Variants in PSME4 observed in about 807,000 individuals in gnomAD.
The protein encoded by PSME4 is proteasome activator subunit 4.
In PSME4, 89 loss-of-function variants were observed where a neutral mutation model predicts 253.9. That is an observed-to-expected ratio of 0.35 (90% confidence interval 0.30 to 0.42). The LOEUF (loss-of-function observed/expected upper bound fraction) is 0.42. Ranked by LOEUF, PSME4 falls within the 10% of genes least tolerant of loss-of-function variation. PSME4 has a pLI of 1.00. For missense variants in PSME4, 2,014 were observed against 2,195.2 expected (o/e 0.92, Z 1.65); for synonymous variants, 851 against 759.2 (o/e 1.12, Z -1.99).
At chr2:53,883,994 T>C (rs1679519226) in intron 41 of PSME4, among the ~76,000 whole-genome samples, 1 of 152,226 alleles carries the variant, frequency 6.6e-6, no homozygotes, top group East Asian at 1.9e-4. Flanking sequence ...ACTCCTTCTG[T>C]GCTCCTCTCA....
chr2:53,963,470 G>A (rs1309906377), intron 1 of PSME4, among the ~76,000 whole-genome samples: 1 of 152,192 alleles, frequency 6.6e-6, no homozygotes, highest in Non-Finnish European at 1.5e-5. Context: ...GAAGATTGAT[G>A]TCTGCCTCTA....
At chr2:53,871,291 A>G (rs1413609596) in intron 43 of PSME4, among the ~76,000 whole-genome samples, 1 of 151,518 alleles carries the variant, frequency 6.6e-6, no homozygotes, top group Non-Finnish European at 1.5e-5. Flanking sequence ...TCGCTCTGTC[A>G]CCAGGATGGA....
intron 1 of PSME4, among the ~76,000 whole-genome samples, chr2:53,962,231 C>G (rs1412154466): frequency 6.6e-6 from 1 of 151,996 alleles, no homozygotes; most frequent in African/African-American, 2.4e-5. Context: ...CTATTTATTC[C>G]TAATTAGATG....
At chr2:53,900,081 T>C in intron 28 of PSME4, 64 bp from the exon 29 acceptor site, 1 of 1,431,926 alleles carries the variant, frequency 7.0e-7, no homozygotes, top group African/African-American at 1.4e-5. Flanking sequence ...TGAACGAACC[T>C]TGAAAATGTC....
chr2:53,884,298 C>T (rs1434178104), intron 41 of PSME4, among the ~76,000 whole-genome samples: 1 of 152,116 alleles, frequency 6.6e-6, no homozygotes. Context: ...ATAACCTCCA[C>T]CTCCCGGGTT....
intron 1 of PSME4, among the ~76,000 whole-genome samples, chr2:53,967,836 G>A (rs1324674660): frequency 2.6e-5 from 4 of 151,936 alleles, no homozygotes; most frequent in Non-Finnish European, 4.4e-5. Flanking sequence ...CTTTAGGAAT[G>A]TACTTGATCT....
intron 43 of PSME4, chr2:53,871,058 A>G (rs1357309327): frequency 6.6e-6 from 1 of 152,220 alleles, no homozygotes; most frequent in African/African-American, 2.4e-5. Context: ...GCTAACATAT[A>G]ATGACACAAA....
Position 53,864,806 on chromosome 2 carries a change from A to AT in PSME4, c.*771dup, listed in dbSNP as rs1448705668. 6.6e-6 allele frequency: 1 copy of AT among 152,658 alleles called. No homozygotes were observed. The highest frequency in any genetic ancestry group is 1.9e-4 in the East Asian group (1 of 5,206). The allele number at this position is 152,658 out of a possible 1,614,324, so 9.5% of individuals were successfully genotyped here. A position where few individuals can be genotyped will look rare whatever the true frequency, so the allele number is the denominator to read the frequency against. On this transcript the variant is annotated 3_prime_UTR_variant, in exon 47 of 47. Transcript: ENST00000404125. Reference sequence around the variant, plus strand: ...TCTTCCATTTAGGTGAAGTATAATAATTTTCAGAGGGTCAAAAAATAGTTG... The same window carrying AT: ...TCTTCCATTTAGGTGAAGTATAATAATTTTTCAGAGGGTCAAAAAATAGTTG...
intron 41 of PSME4, among the ~76,000 whole-genome samples, chr2:53,880,201 C>A (rs958903546): frequency 8.5e-5 from 13 of 152,180 alleles, no homozygotes; most frequent in Non-Finnish European, 4.4e-5. Flanking sequence ...TTATGCCCAT[C>A]ATCCTAGCAC....
chr2:53,901,313 T>G (rs1457914380), intron 28 of PSME4, 37 bp downstream of exon 28: 23 of 1,540,618 alleles, frequency 1.5e-5, no homozygotes, highest in African/African-American at 2.7e-5. Context: ...AGACAGGATT[T>G]ACACTAAAAC....
In PSME4 at chr2:53,891,930, TGGAA is replaced by T. The variant is rs1389150163; in HGVS notation, c.4191+874_4191+877del. Among the ~76,000 whole-genome samples the T allele has an allele frequency of 1.8e-3, 260 of 148,082 alleles. 4 individuals are homozygous for T. Among genetic ancestry groups the T allele is most frequent in the East Asian group, 9.9e-4 (5 of 5,038 alleles). Reference sequence around the variant, plus strand: ...ATGGATGGACAGACGGAAGGACAGATGGAAGGAAGGAAGGAAGGAAGGAATTCTT... The same window carrying T: ...ATGGATGGACAGACGGAAGGACAGATGGAAGGAAGGAAGGAAGGAATTCTT... On this transcript the variant is annotated intron_variant, in intron 36 of 46. Transcript: ENST00000404125.
In PSME4 at chr2:53,864,433, GAA is replaced by G. The variant is rs11349247; in HGVS notation, c.*1143_*1144del. ...CAGACATTCTAATGATAAGTGAACT[GAA>G]AAAAAAAAAACCCCACATCTCAGTT... is the stretch of plus-strand genomic sequence containing the variant. On this transcript the variant is annotated 3_prime_UTR_variant, in exon 47 of 47. Coordinates refer to ENST00000404125, the MANE Select transcript of PSME4 (RefSeq NM_014614.3). 51 of 138,110 alleles carry G rather than the reference GAA, an allele frequency of 3.7e-4. No homozygotes were observed. Among genetic ancestry groups the G allele is most frequent in the African/African-American group, 7.8e-4 (29 of 36,984 alleles). 8.6% of individuals were successfully genotyped at this position (138,110 alleles called of 1,614,324 possible). A position where few individuals can be genotyped will look rare whatever the true frequency, so the allele number is the denominator to read the frequency against.
In PSME4 at chr2:53,937,049, G is replaced by C. The variant is rs528131817; in HGVS notation, c.696-222C>G. 3.9e-5 allele frequency among the ~76,000 whole-genome samples: 6 copies of C among 152,128 alleles called. No homozygotes were observed. The South Asian group carries it at 1.0e-3, about 26-fold the overall frequency. ...ATATGATCTCACAGATTAAACTTCT[G>C]CTTCATTACTAAGTACTGTCCATTC... On this transcript the variant is annotated intron_variant, in intron 5 of 46. Coordinates refer to ENST00000404125, the MANE Select transcript of PSME4 (RefSeq NM_014614.3).
At chr2:53,931,732 C>G (rs1174635937) in intron 10 of PSME4, 103 bp downstream of exon 10, 16 of 1,236,236 alleles carry the variant, frequency 1.3e-5, no homozygotes, top group Non-Finnish European at 1.8e-5. Flanking sequence ...CAGGAATAAG[C>G]ATCGAAGAAG....
At position 53,897,774 on chromosome 2, in the gene PSME4, T is replaced by G. The variant is rs573441422; in HGVS notation, c.3606+96A>C. On this transcript the variant is annotated intron_variant, in intron 31 of 46. Transcript: ENST00000404125. The stretch of plus-strand genomic sequence containing the variant: ...TCAAATCAATACACTTCAAGATATT[T>G]ATTAACCAAGTGTGTATTGCTTGTG... 7.5e-6 allele frequency: 10 copies of G among 1,335,310 alleles called. No homozygotes were observed. The African/African-American group carries it at 1.5e-4, about 20-fold the overall frequency. The allele number at this position is 1,335,310 out of a possible 1,614,324, so 82.7% of individuals were successfully genotyped here.
At chr2:53,869,568 G>T in intron 43 of PSME4, 30 bp from the exon 44 acceptor site, 5 of 1,447,864 alleles carry the variant, frequency 3.5e-6, no homozygotes, top group South Asian at 1.6e-5. Context: ...TATTAGGACT[G>T]ACATTCTAAG....
intron 26 of PSME4, among the ~76,000 whole-genome samples, chr2:53,906,075 T>C (rs1055572076): frequency 5.9e-5 from 9 of 152,326 alleles, no homozygotes; most frequent in African/African-American, 1.4e-4. Context: ...AAAGATAGAA[T>C]AATTAGTTGC....
intron 20 of PSME4, among the ~76,000 whole-genome samples, chr2:53,911,384 T>C (rs1310425154): frequency 6.6e-6 from 1 of 152,210 alleles, no homozygotes; most frequent in African/African-American, 2.4e-5. Context: ...GTTTTCCTTC[T>C]ATAAAGCTTC....
chr2:53,928,063 A>G, intron 11 of PSME4, 54 bp downstream of exon 11: 1 of 1,405,238 alleles, frequency 7.1e-7, no homozygotes. Context: ...GTCACTGAGA[A>G]GTTTACTTTG....
Sources: allele counts gnomAD v4.1 joint callset (sites outside exome capture counted in the v4.1 genomes callset), GRCh38; gene constraint gnomAD v4.1.1; transcripts MANE v1.5; gene names NCBI Gene and HGNC (gene_info 2026-07-23, HGNC 2026-07-21).